DCC: variants seen among roughly 807,000 people sequenced by gnomAD.
DCC encodes netrin receptor DCC.
In DCC, 58 loss-of-function variants were observed where a neutral mutation model predicts 172.5. The ratio of observed to expected loss-of-function variants is 0.34; its 90% CI spans 0.27 to 0.42. The LOEUF (loss-of-function observed/expected upper bound fraction) is 0.42, where lower values mean the gene tolerates loss of function less well. DCC is among the 10% of genes least tolerant of loss of function. The pLI, the probability that DCC is intolerant of heterozygous loss-of-function variation, is 1.00. For synonymous variants in DCC, 709 were observed against 644.5 expected (o/e 1.10, Z -1.52); for missense variants, 1,740 against 1,791.0 (o/e 0.97, Z 0.51).
intron 12 of DCC, among the ~76,000 whole-genome samples, chr18:53,249,205 A>T (rs1342071977): frequency 6.6e-6 from 1 of 151,978 alleles, no homozygotes; most frequent in Non-Finnish European, 1.5e-5. Flanking sequence ...TTGGTTCACT[A>T]CATTGTCAAT....
intron 1 of DCC, among the ~76,000 whole-genome samples, chr18:52,669,766 G>T (rs552856244): frequency 2.1e-4 from 32 of 152,194 alleles, no homozygotes; most frequent in African/African-American, 7.7e-4. Flanking sequence ...ACCTCCATGG[G>T]GGTTACTGTT....
In DCC at chr18:53,467,931, T is replaced by C. The variant is rs747436633; in HGVS notation, c.3657T>C (p.Thr1219=). 6.8e-6 allele frequency: 11 copies of C among 1,612,586 alleles called. No individual in the cohort carries two copies. The Admixed American group carries it at 1.5e-4, about 22-fold the overall frequency. ...DTEEAGSSMS[T]LERSLAARRA... Reference sequence around the variant, plus strand: ...AGGAAGCAGGGAGCTCTATGTCCACTCTGGAGAGGTCGCTGGCTGCACGCC... The same window carrying C: ...AGGAAGCAGGGAGCTCTATGTCCACCCTGGAGAGGTCGCTGGCTGCACGCC... The change falls in exon 25 of 29, where the codon ACT becomes ACC. Residue 1219 remains threonine, a synonymous_variant. Coordinates refer to ENST00000442544, the MANE Select transcript of DCC (RefSeq NM_005215.4).
intron 2 of DCC, among the ~76,000 whole-genome samples, chr18:52,807,717 TCC>T (rs2038114937): frequency 6.6e-6 from 1 of 152,184 alleles, no homozygotes; most frequent in Admixed American, 6.5e-5. Flanking sequence ...TTTTACCAGA[TCC>T]GTATATAATA....
In DCC at chr18:52,399,277, A is replaced by G. The variant is rs964594931; in HGVS notation, c.91+58399A>G. 3.9e-5 allele frequency among the ~76,000 whole-genome samples: 6 copies of G among 151,946 alleles called. 1 individual carries two copies. The highest frequency in any genetic ancestry group is 1.3e-4 in the Admixed American group (2 of 15,218). On this transcript the variant is annotated intron_variant, in intron 1 of 28. Coordinates refer to ENST00000442544, the MANE Select transcript of DCC (RefSeq NM_005215.4). ...ATCAGGGACAGCTTTACTGATGACA[A>G]TCTAACTTCCTCCTAGCTCTAGTTG...
At chr18:53,356,316 T>A (rs530640825) in intron 15 of DCC, among the ~76,000 whole-genome samples, 3 of 152,316 alleles carry the variant, frequency 2.0e-5, no homozygotes, top group African/African-American at 7.2e-5. Flanking sequence ...TCTGTCTCAT[T>A]TCCAGGTCTG....
chr18:53,507,754 ACTG>A (rs1231167862), intron 27 of DCC, among the ~76,000 whole-genome samples: 2 of 152,118 alleles, frequency 1.3e-5, no homozygotes, highest in Admixed American at 6.5e-5. Context: ...ACTTATAGTG[ACTG>A]CTATTTTTAA....
chr18:52,812,077 T>A (rs1268665698), intron 2 of DCC, among the ~76,000 whole-genome samples: 8 of 152,220 alleles, frequency 5.3e-5, no homozygotes, highest in East Asian at 1.9e-4. Flanking sequence ...CTGGTTTTCA[T>A]AAGTAGAAAC....
chr18:52,993,012 A>G (rs1362267574), intron 5 of DCC, among the ~76,000 whole-genome samples: 1 of 151,944 alleles, frequency 6.6e-6, no homozygotes, highest in East Asian at 1.9e-4. Context: ...CACATGTGAA[A>G]TGAGTTTATT....
At chr18:52,961,124 G>T (rs904643602) in intron 5 of DCC, among the ~76,000 whole-genome samples, 1 of 151,994 alleles carries the variant, frequency 6.6e-6, no homozygotes. Context: ...AGAAAGGCCC[G>T]GTGTGGGGGC....
chr18:52,564,674 G>T (rs922000895), intron 1 of DCC, among the ~76,000 whole-genome samples: 3 of 143,760 alleles, frequency 2.1e-5, no homozygotes, highest in African/African-American at 7.7e-5. Flanking sequence ...TATTGGGGGG[G>T]GGGGTGTTAA....
chr18:53,350,744 A>T (rs2057782207), intron 15 of DCC, among the ~76,000 whole-genome samples: 1 of 152,086 alleles, frequency 6.6e-6, no homozygotes, highest in South Asian at 2.1e-4. Flanking sequence ...AGAGCTGTAA[A>T]TGTCAAACTT....
At chr18:53,243,206 G>A (rs529484235) in intron 12 of DCC, among the ~76,000 whole-genome samples, 1 of 152,228 alleles carries the variant, frequency 6.6e-6, no homozygotes, top group Admixed American at 6.6e-5. Context: ...TCCTCATTAG[G>A]AGTGTGAAGA....
chr18:53,341,497 G>C (rs1311277963), intron 15 of DCC, among the ~76,000 whole-genome samples: 2 of 152,056 alleles, frequency 1.3e-5, no homozygotes, highest in Non-Finnish European at 2.9e-5. Context: ...AGGTAAATTG[G>C]GATATGAACC....
At chr18:53,478,471 A>G (rs2045793428) in intron 25 of DCC, among the ~76,000 whole-genome samples, 1 of 152,208 alleles carries the variant, frequency 6.6e-6, no homozygotes, top group South Asian at 2.1e-4. Context: ...GATTAGCTGT[A>G]AGATCATTTA....
rs546151957 is a variant in DCC, at chr18:52,450,088, C to T, written c.91+109210C>T. Among the ~76,000 whole-genome samples, 108 of 152,204 alleles carry T rather than the reference C, an allele frequency of 7.1e-4. 1 individual carries two copies. The highest frequency in any genetic ancestry group is 2.4e-3 in the African/African-American group (101 of 41,526). ...ACTATTATGGAAGACAGAATAATTT[C>T]GGAAATAAGCCTGTCTCAAACCGAG... On this transcript the variant is annotated intron_variant, in intron 1 of 28. Coordinates refer to ENST00000442544, the MANE Select transcript of DCC (RefSeq NM_005215.4).
chr18:52,851,018 G>GT lies in DCC; in HGVS notation c.413-55025dup, dbSNP rs569397982. Among the ~76,000 whole-genome samples, 322 of 151,592 alleles carry GT rather than the reference G, an allele frequency of 2.1e-3. 2 individuals are homozygous for GT. The highest frequency in any genetic ancestry group is 7.4e-3 in the African/African-American group (306 of 41,112). On this transcript the variant is annotated intron_variant, in intron 2 of 28. Coordinates refer to ENST00000442544, the MANE Select transcript of DCC (RefSeq NM_005215.4). ...GTTTCTATTAATGAACAATTAAACG[G>GT]TATTTGTATTCTTCAAAATTGCTAA...
At chr18:53,068,818 T>TG (rs763488670) in intron 7 of DCC, among the ~76,000 whole-genome samples, 42 of 151,346 alleles carry the variant, frequency 2.8e-4, no homozygotes, top group South Asian at 1.3e-3. Flanking sequence ...TGTGTGTGTG[T>TG]TGCTGGGGAC....
At chr18:52,990,301 G>C (rs2041363679) in intron 5 of DCC, among the ~76,000 whole-genome samples, 1 of 152,042 alleles carries the variant, frequency 6.6e-6, no homozygotes, top group Non-Finnish European at 1.5e-5. Context: ...AGCACTTTGG[G>C]AGGCAGAGGC....
intron 12 of DCC, among the ~76,000 whole-genome samples, chr18:53,234,492 G>A (rs952421689): frequency 6.6e-6 from 1 of 151,854 alleles, no homozygotes; most frequent in Non-Finnish European, 1.5e-5. Context: ...TCTGCTTCAA[G>A]ACCCCAGATA....
Sources: gnomAD v4.1 joint callset for allele counts (sites outside exome capture counted in the v4.1 genomes callset) on GRCh38, gnomAD v4.1.1 for gene constraint, MANE v1.5 for transcripts, NCBI Gene and HGNC (gene_info 2026-07-23, HGNC 2026-07-21) for gene names.